Variants in NTM observed in about 807,000 individuals in gnomAD.
NTM encodes neurotrimin, also known as IgLON family member 2.
In NTM, 13 loss-of-function variants were observed where a neutral mutation model predicts 42.1. The ratio of observed to expected loss-of-function variants is 0.31; its 90% confidence interval spans 0.20 to 0.49. NTM has a LOEUF of 0.49. Among genes scored for constraint, NTM ranks in the 20% least tolerant of loss-of-function variants. NTM has a pLI of 0.99. For missense variants in NTM, 373 were observed against 452.8 expected, an observed-to-expected ratio of 0.82 and a Z score of 1.60; for synonymous variants, 187 against 179.2, an observed-to-expected ratio of 1.04 and a Z score of -0.35.
chr11:131,445,211 T>C (rs1455079865), intron 1 of NTM, among the ~76,000 whole-genome samples: 1 of 152,214 alleles, frequency 6.6e-6, no homozygotes, highest in Non-Finnish European at 1.5e-5. Flanking sequence ...GCATTGTATT[T>C]CTCCTGTGGC....
chr11:131,512,821 C>A (rs1034087174), intron 1 of NTM, among the ~76,000 whole-genome samples: 2 of 152,210 alleles, frequency 1.3e-5, no homozygotes, highest in Non-Finnish European at 2.9e-5. Flanking sequence ...CCCCAGACAC[C>A]TGTGTGGTTC....
chr11:132,125,646 TGTG>T (rs958574097), intron 2 of NTM, among the ~76,000 whole-genome samples: 2 of 2,728 alleles, frequency 7.3e-4, no homozygotes, highest in Non-Finnish European at 1.2e-3. Flanking sequence ...ATGTGTGTCA[TGTG>T]GTATGTGGTG....
chr11:131,386,307 G>A (rs1943309849), intron 1 of NTM, among the ~76,000 whole-genome samples: 1 of 152,154 alleles, frequency 6.6e-6, no homozygotes, highest in Admixed American at 6.5e-5. Flanking sequence ...GTGGGAGGAG[G>A]GAAACAGGGA....
intron 1 of NTM, among the ~76,000 whole-genome samples, chr11:131,382,816 G>A (rs903918175): frequency 3.3e-5 from 5 of 152,228 alleles, no homozygotes; most frequent in Admixed American, 3.3e-4. Flanking sequence ...GACTCTGCCA[G>A]CTGTAGTCTG....
chr11:131,545,730 G>A (rs1592004787), intron 1 of NTM, among the ~76,000 whole-genome samples: 1 of 152,288 alleles, frequency 6.6e-6, no homozygotes, highest in East Asian at 1.9e-4. Context: ...ACATATTAGC[G>A]AAACTTCCTA....
At chr11:131,705,270 A>G (rs1397024964) in intron 1 of NTM, among the ~76,000 whole-genome samples, 1 of 152,220 alleles carries the variant, frequency 6.6e-6, no homozygotes, top group African/African-American at 2.4e-5. Flanking sequence ...CTGTAGGACT[A>G]TCAGCAGATT....
intron 2 of NTM, among the ~76,000 whole-genome samples, chr11:131,995,753 C>T (rs2067885546): frequency 6.6e-6 from 1 of 151,982 alleles, no homozygotes; most frequent in Admixed American, 6.6e-5. Flanking sequence ...CGGCTTTATT[C>T]AGGTGTCATC....
intron 1 of NTM, among the ~76,000 whole-genome samples, chr11:131,901,490 A>G (rs2053152529): frequency 6.6e-6 from 1 of 152,180 alleles, no homozygotes; most frequent in South Asian, 2.1e-4. Context: ...CAAACTTGGG[A>G]GAGTTCTCTA....
chr11:131,865,495 C>T (rs2047040983), intron 1 of NTM, among the ~76,000 whole-genome samples: 1 of 152,226 alleles, frequency 6.6e-6, no homozygotes, highest in Non-Finnish European at 1.5e-5. Flanking sequence ...GTGCTCTGCA[C>T]TTGATAGCTG....
intron 1 of NTM, chr11:131,794,474 C>T (rs1236247156): frequency 1.5e-5 from 15 of 985,058 alleles, no homozygotes; most frequent in Admixed American, 6.2e-5. Flanking sequence ...CCTCCCCACC[C>T]GCCGTTTACT....
intron 1 of NTM, among the ~76,000 whole-genome samples, chr11:131,614,522 G>A (rs1306731167): frequency 6.6e-6 from 1 of 152,238 alleles, no homozygotes; most frequent in Non-Finnish European, 1.5e-5. Context: ...CTAGACAGGA[G>A]GGCAGTGACC....
In NTM at chr11:131,866,473, G is replaced by T. The variant is rs955496198; in HGVS notation, c.83-45091G>T. 2.0e-5 allele frequency among the ~76,000 whole-genome samples: 3 copies of T among 152,202 alleles called. No individual in the cohort carries two copies. The East Asian group carries it at 5.8e-4, about 29-fold the overall frequency. On this transcript the variant is annotated intron_variant, in intron 1 of 8. Transcript: ENST00000683400. ...GGGACCTGCCCTGACTCCTCCGTAG[G>T]GCCAGGTTGGCCATGCCTTCAGAGC... is the stretch of plus-strand genomic sequence containing the variant.
At chr11:132,238,873 G>A (rs540991123) in intron 4 of NTM, among the ~76,000 whole-genome samples, 1 of 152,204 alleles carries the variant, frequency 6.6e-6, no homozygotes. Flanking sequence ...GGATGCTGAT[G>A]TTGCAGGTCC....
chr11:131,914,267 A>T (rs1481596147), intron 2 of NTM, among the ~76,000 whole-genome samples: 1 of 152,158 alleles, frequency 6.6e-6, no homozygotes, highest in Non-Finnish European at 1.5e-5. Flanking sequence ...GTAGGGGGAC[A>T]GAGGACCCTT....
At chr11:131,672,754 C>T (rs953190843) in intron 1 of NTM, among the ~76,000 whole-genome samples, 2 of 152,022 alleles carry the variant, frequency 1.3e-5, no homozygotes, top group African/African-American at 4.8e-5. Context: ...TTCAAATACC[C>T]ATGGACCAGC....
intron 4 of NTM, among the ~76,000 whole-genome samples, chr11:132,296,661 G>A (rs894713881): frequency 6.6e-6 from 1 of 152,140 alleles, no homozygotes; most frequent in African/African-American, 2.4e-5. Flanking sequence ...CCAAGACCCA[G>A]GTGTGTGTGT....
At chr11:131,641,878 C>T (rs889691518) in intron 1 of NTM, among the ~76,000 whole-genome samples, 2 of 152,048 alleles carry the variant, frequency 1.3e-5, no homozygotes, top group African/African-American at 4.8e-5. Context: ...GGGCACATGC[C>T]ACCACGCTCA....
chr11:131,851,532 CGTGTGTGTGTGTGT>C (rs71067340), intron 1 of NTM, among the ~76,000 whole-genome samples: 5 of 146,702 alleles, frequency 3.4e-5, no homozygotes, highest in African/African-American at 1.3e-4. Flanking sequence ...GTGAGAATGG[CGTGTGTGTGTGTGT>C]GTGTGTGTGT....
chr11:131,983,950 A>T (rs36085941), intron 2 of NTM, among the ~76,000 whole-genome samples: 1 of 152,096 alleles, frequency 6.6e-6, no homozygotes, highest in Non-Finnish European at 1.5e-5. Flanking sequence ...GTCATATGGT[A>T]TATATCACTT....
Sources: gnomAD v4.1 joint callset for allele counts (sites outside exome capture counted in the v4.1 genomes callset) on GRCh38, gnomAD v4.1.1 for gene constraint, MANE v1.5 for transcripts, NCBI Gene and HGNC (gene_info 2026-07-23, HGNC 2026-07-21) for gene names.